The following EYS variants were observed in gnomAD, a reference collection of about 807,000 sequenced individuals.
EYS encodes the protein protein eyes shut homolog.
In EYS, 250 loss-of-function variants were observed where a neutral mutation model predicts 282.1. The observed-to-expected ratio is 0.89, with a 90% CI of 0.80 to 0.98. The LOEUF is 0.98. EYS is among the 50% of genes least tolerant of loss of function. EYS has a pLI of 0.00. For synonymous variants in EYS, 1,355 were observed against 1,282.9 expected, an observed-to-expected ratio of 1.06 and a Z score of -1.20; for missense variants, 4,016 against 3,709.0, an observed-to-expected ratio of 1.08 and a Z score of -2.15.
rs937643641 is a variant in EYS at position 65,652,348 on chromosome 6, C to A, written c.-447-12456G>T. Among the ~76,000 whole-genome samples, 53 of 151,758 alleles carry A rather than the reference C, an allele frequency of 3.5e-4. 1 individual carries two copies. Among genetic ancestry groups the A allele is most frequent in the Admixed American group, 2.6e-3 (39 of 15,224 alleles). ...AAATTGTTTTGAAAAGTAGAAGAAA[C>A]GAGTTAGATGTTTATTGAGGCAATT... On this transcript the variant is annotated intron_variant, in intron 1 of 42. Transcript: ENST00000503581.
chr6:65,458,999 A>C (rs2150408015), intron 5 of EYS, among the ~76,000 whole-genome samples: 1 of 152,276 alleles, frequency 6.6e-6, no homozygotes, highest in East Asian at 1.9e-4. Flanking sequence ...TTAATTAAAA[A>C]GTATAGAATT....
chr6:65,446,829 T>C (rs1768678345), intron 5 of EYS, among the ~76,000 whole-genome samples: 1 of 151,072 alleles, frequency 6.6e-6, no homozygotes, highest in South Asian at 2.1e-4. Flanking sequence ...CATAAAATAT[T>C]ACAAGCAAAT....
chr6:63,726,574 A>T lies in EYS; in HGVS notation c.8178T>A (p.Pro2726=). Residue 2726 remains proline, a synonymous_variant, in exon 42 of 43, where the codon CCT becomes CCA. Transcript: ENST00000503581. The part of the protein sequence containing the change: ...KKTHIQLQFQ[P]LAADGILFYA... ...AAAATAGGATACCATCTGCAGCGAGAGGCTGAAACTGCAATTGAATATGTG... is the reference window on the plus strand; with the variant it reads ...AAAATAGGATACCATCTGCAGCGAGTGGCTGAAACTGCAATTGAATATGTG... 1 of 1,551,404 alleles carries T rather than the reference A, an allele frequency of 6.4e-7. No homozygotes were observed. Among genetic ancestry groups the T allele is most frequent in the Non-Finnish European group, 8.7e-7 (1 of 1,146,796 alleles).
At chr6:64,478,943 A>G (rs1056879328) in intron 26 of EYS, among the ~76,000 whole-genome samples, 1 of 151,874 alleles carries the variant, frequency 6.6e-6, no homozygotes, top group East Asian at 1.9e-4. Context: ...TATCCTCTTT[A>G]TATGTAAACT....
intron 30 of EYS, among the ~76,000 whole-genome samples, chr6:64,301,471 G>A (rs6908118): frequency 0.69 from 104,322 of 152,034 alleles, 35,826 homozygotes; most frequent in South Asian, 0.71. Flanking sequence ...AGGACAGATG[G>A]CCCCAGTACT....
At chr6:63,944,662 C>G (rs1039340432) in intron 35 of EYS, among the ~76,000 whole-genome samples, 11 of 152,080 alleles carry the variant, frequency 7.2e-5, no homozygotes, top group Admixed American at 5.2e-4. Context: ...GGAGTGGTGG[C>G]TCATGCCTGT....
At chr6:65,358,275 A>T (rs1272174291) in intron 8 of EYS, among the ~76,000 whole-genome samples, 36 of 151,874 alleles carry the variant, frequency 2.4e-4, no homozygotes, top group Non-Finnish European at 1.0e-4. Context: ...GTGGTCTGGG[A>T]ATTTATATCA....
At chr6:64,018,517 A>C (rs1194904651) in intron 33 of EYS, among the ~76,000 whole-genome samples, 1 of 152,124 alleles carries the variant, frequency 6.6e-6, no homozygotes, top group Non-Finnish European at 1.5e-5. Context: ...AATAGCAAAA[A>C]ATTTTTTGTG....
intron 34 of EYS, among the ~76,000 whole-genome samples, chr6:63,993,559 T>C (rs1767700844): frequency 6.6e-6 from 1 of 151,726 alleles, no homozygotes; most frequent in East Asian, 1.9e-4. Flanking sequence ...GAAAACAATT[T>C]TATCTATAAT....
intron 31 of EYS, among the ~76,000 whole-genome samples, chr6:64,127,686 A>C (rs927032709): frequency 7.2e-5 from 11 of 152,106 alleles, no homozygotes; most frequent in Admixed American, 2.0e-4. Context: ...GACAGAGAAA[A>C]ATAGTTTAAA....
chr6:65,648,855 T>G (rs2149817302), intron 1 of EYS, among the ~76,000 whole-genome samples: 1 of 152,104 alleles, frequency 6.6e-6, no homozygotes, highest in South Asian at 2.1e-4. Context: ...AAAAGATTTT[T>G]AAAAAGTGTC....
intron 14 of EYS, among the ~76,000 whole-genome samples, chr6:64,970,066 T>C (rs1448911330): frequency 6.6e-6 from 1 of 152,150 alleles, no homozygotes; most frequent in Admixed American, 6.6e-5. Flanking sequence ...CAGATTTTTT[T>C]CAATAAGTAT....
At chr6:64,574,365 G>T (rs1765817570) in intron 26 of EYS, among the ~76,000 whole-genome samples, 1 of 152,102 alleles carries the variant, frequency 6.6e-6, no homozygotes, top group Non-Finnish European at 1.5e-5. Flanking sequence ...CACAGCACTT[G>T]TATACCTATG....
At chr6:64,160,860 G>C (rs1364123647) in intron 31 of EYS, among the ~76,000 whole-genome samples, 3 of 152,152 alleles carry the variant, frequency 2.0e-5, no homozygotes, top group African/African-American at 7.2e-5. Flanking sequence ...TTCAGTAATA[G>C]ACTTCTTTGG....
intron 28 of EYS, among the ~76,000 whole-genome samples, chr6:64,430,945 G>A (rs1030592440): frequency 2.6e-5 from 4 of 152,122 alleles, no homozygotes; most frequent in African/African-American, 9.7e-5. Flanking sequence ...TGGTCAGAGA[G>A]TAGAAAAGCC....
intron 14 of EYS, among the ~76,000 whole-genome samples, chr6:64,967,072 T>C (rs1770118696): frequency 6.6e-6 from 1 of 152,236 alleles, no homozygotes; most frequent in South Asian, 2.1e-4. Flanking sequence ...AGTTTCTTTC[T>C]AATCAACTAC....
intron 41 of EYS, among the ~76,000 whole-genome samples, chr6:63,738,971 C>T (rs1040893517): frequency 1.1e-4 from 16 of 152,206 alleles, no homozygotes; most frequent in African/African-American, 1.9e-4. Context: ...ATTCGTGTTA[C>T]GTTTATTAGC....
rs189334673 is a variant in EYS at position 64,009,441 on chromosome 6, G to A, written c.6726-10258C>T. The stretch of plus-strand genomic sequence containing the variant: ...TGGGACTACAGGCACCCACCACCAC[G>A]CAAGGCTAATTTTTTTGTATTTTCA... On this transcript the variant is annotated intron_variant, in intron 33 of 42. Transcript: ENST00000503581. 9.1e-3 allele frequency among the ~76,000 whole-genome samples: 1,168 copies of A among 128,290 alleles called. 12 individuals carry two copies. Among genetic ancestry groups the A allele is most frequent in the African/African-American group, 0.037 (1,111 of 29,808 alleles). The allele number at this position is 128,290 out of a possible 152,430, so 84.2% of individuals were successfully genotyped here. A position where few individuals can be genotyped will look rare whatever the true frequency, so the allele number is the denominator to read the frequency against.
At chr6:65,360,665 A>G (rs182966518) in intron 8 of EYS, among the ~76,000 whole-genome samples, 1 of 152,254 alleles carries the variant, frequency 6.6e-6, no homozygotes, top group South Asian at 2.1e-4. Context: ...AATTCAACAA[A>G]TATTTTCTGA....
Sources: gnomAD v4.1 joint callset for allele counts (sites outside exome capture counted in the v4.1 genomes callset) on GRCh38, gnomAD v4.1.1 for gene constraint, MANE v1.5 for transcripts, NCBI Gene and HGNC (gene_info 2026-07-23, HGNC 2026-07-21) for gene names.